SEMA4D: variants seen among roughly 807,000 people sequenced by gnomAD.
The protein encoded by SEMA4D is semaphorin-4D.
SEMA4D carries 22 observed loss-of-function variants against 74.8 expected under a neutral mutation model. The observed-to-expected ratio is 0.29, with a 90% CI of 0.21 to 0.42. The LOEUF (loss-of-function observed/expected upper bound fraction) is 0.42. Ranked by LOEUF, SEMA4D falls within the 10% of genes least tolerant of loss-of-function variation. The pLI is 1.00. For synonymous variants in SEMA4D, 445 were observed against 463.7 expected, an observed-to-expected ratio of 0.96 and a Z score of 0.52; for missense variants, 937 against 1,118.4, an observed-to-expected ratio of 0.84 and a Z score of 2.31.
chr9:89,460,259 T>TA (rs1435632815), intron 1 of SEMA4D, among the ~76,000 whole-genome samples: 1 of 152,238 alleles, frequency 6.6e-6, no homozygotes, highest in African/African-American at 2.4e-5. Flanking sequence ...AGGCATCCTT[T>TA]GACCCTGCCA....
chr9:89,431,412 T>G (rs1849248681), intron 2 of SEMA4D, among the ~76,000 whole-genome samples: 1 of 152,252 alleles, frequency 6.6e-6, no homozygotes, highest in African/African-American at 2.4e-5. Context: ...TTTCAATGTC[T>G]TCTTTGAATT....
Position 89,498,104 on chromosome 9 carries a change from G to A in SEMA4D, c.-495C>T, listed in dbSNP as rs891604443. 10 of 149,756 alleles carry A rather than the reference G, an allele frequency of 6.7e-5. No individual in the cohort carries two copies. Among genetic ancestry groups the A allele is most frequent in the African/African-American group, 2.2e-4 (9 of 41,132 alleles). The allele number at this position is 149,756 out of a possible 1,614,324, so 9.3% of individuals were successfully genotyped here. On this transcript the variant is annotated 5_prime_UTR_variant, in exon 1 of 16. Coordinates refer to ENST00000422704, the MANE Select transcript of SEMA4D (RefSeq NM_001371194.2). ...GCGAGAGCGCTGAGGCCGGCGCGGG[G>A]ACGGAGTGCGCGGGGCGGGCGCGCA...
chr9:89,477,596 C>T (rs1034434875), intron 1 of SEMA4D, among the ~76,000 whole-genome samples: 16 of 152,150 alleles, frequency 1.1e-4, no homozygotes, highest in Non-Finnish European at 2.1e-4. Context: ...CATACCTCTG[C>T]GTGGCATGAC....
At chr9:89,402,379 T>C (rs1472124044) in intron 4 of SEMA4D, among the ~76,000 whole-genome samples, 1 of 152,034 alleles carries the variant, frequency 6.6e-6, no homozygotes, top group Non-Finnish European at 1.5e-5. Context: ...AACTAAACGT[T>C]TGAACCAACT....
At chr9:89,367,990 T>G (rs1408854184) in intron 16 of SEMA4D, 1 of 152,262 alleles carries the variant, frequency 6.6e-6, no homozygotes, top group Non-Finnish European at 1.5e-5. Flanking sequence ...CTGATTCTAC[T>G]CTGCGACAAA....
chr9:89,363,679 C>T, intron 17 of SEMA4D: 1 of 1,591,212 alleles, frequency 6.3e-7, no homozygotes, highest in Non-Finnish European at 8.6e-7. Flanking sequence ...TTTTTCACTG[C>T]CATTGTAAAT....
intron 13 of SEMA4D, among the ~76,000 whole-genome samples, chr9:89,382,307 G>A (rs1157239942): frequency 1.3e-5 from 2 of 152,236 alleles, no homozygotes; most frequent in East Asian, 1.9e-4. Flanking sequence ...TCAACAGCCT[G>A]GGGACACCTT....
At chr9:89,384,723 A>G in intron 13 of SEMA4D, 1 of 985,134 alleles carries the variant, frequency 1.0e-6, no homozygotes, top group Non-Finnish European at 1.2e-6. Flanking sequence ...GGCACAGCGC[A>G]CCTCCCCAGC....
At chr9:89,404,274 G>A (rs1438321220) in intron 3 of SEMA4D, among the ~76,000 whole-genome samples, 2 of 152,214 alleles carry the variant, frequency 1.3e-5, no homozygotes, top group South Asian at 2.1e-4. Context: ...TGGAGCAGAC[G>A]CTCAGTGGGG....
At chr9:89,468,069 G>A (rs923209666) in intron 1 of SEMA4D, among the ~76,000 whole-genome samples, 11 of 152,178 alleles carry the variant, frequency 7.2e-5, no homozygotes, top group Non-Finnish European at 1.5e-4. Context: ...TAGGGTAGTC[G>A]TGGTGTTAGG....
chr9:89,403,121 C>A, intron 3 of SEMA4D, 105 bp from the exon 4 acceptor site: 1 of 1,320,312 alleles, frequency 7.6e-7, no homozygotes, highest in Non-Finnish European at 1.0e-6. Flanking sequence ...ACAATGAGCA[C>A]GTCTGGGTGC....
intron 13 of SEMA4D, chr9:89,384,922 C>G: frequency 1.0e-6 from 1 of 985,440 alleles, no homozygotes; most frequent in African/African-American, 1.7e-5. Context: ...GCACAGGACC[C>G]CACGGCAGGC....
intron 1 of SEMA4D, among the ~76,000 whole-genome samples, chr9:89,458,573 C>G (rs1274191596): frequency 6.6e-6 from 1 of 152,058 alleles, no homozygotes; most frequent in African/African-American, 2.4e-5. Flanking sequence ...CCCACCCACA[C>G]TTACATGCAC....
chr9:89,440,500 T>TCC (rs1564796255), intron 2 of SEMA4D, among the ~76,000 whole-genome samples: 1 of 151,618 alleles, frequency 6.6e-6, no homozygotes, highest in East Asian at 1.9e-4. Context: ...CCCTGAGCCC[T>TCC]ACCCTCCGCT....
At chr9:89,393,378 C>T (rs1840262872) in intron 7 of SEMA4D, among the ~76,000 whole-genome samples, 184 bp downstream of exon 7, 1 of 152,242 alleles carries the variant, frequency 6.6e-6, no homozygotes. Flanking sequence ...CGGCTATTAT[C>T]CTTGCAAACA....
At chr9:89,424,768 C>T (rs1847756510) in intron 2 of SEMA4D, among the ~76,000 whole-genome samples, 1 of 152,078 alleles carries the variant, frequency 6.6e-6, no homozygotes, top group African/African-American at 2.4e-5. Context: ...ACCTGGCTCC[C>T]GCTACCTGTA....
chr9:89,369,407 T>C (rs1172740300), intron 16 of SEMA4D: 1 of 152,166 alleles, frequency 6.6e-6, no homozygotes. Flanking sequence ...GGGGGAACCA[T>C]TATTAGCTTT....
chr9:89,444,464 C>T lies in SEMA4D; in HGVS notation c.-244+11424G>A, dbSNP rs184938708. 1.3e-4 allele frequency among the ~76,000 whole-genome samples: 20 copies of T among 152,310 alleles called. No individual in the cohort carries two copies. The East Asian group carries it at 3.7e-3, about 28-fold the overall frequency. ...GACGGGATGTGGGCACGTGAAGAGA[C>T]AAGCAGGCCAGCGAGTGGGATGGAG... On this transcript the variant is annotated intron_variant, in intron 2 of 15. Coordinates refer to ENST00000422704, the MANE Select transcript of SEMA4D (RefSeq NM_001371194.2).
rs1040045870 is a variant in SEMA4D at position 89,385,162 on chromosome 9, G to A, written c.1446+1205C>T. 20 of 884,392 alleles carry A rather than the reference G, an allele frequency of 2.3e-5. No homozygotes were observed. In the Admixed American group the frequency reaches 5.0e-4, roughly 22 times the overall value. The allele number at this position is 884,392 out of a possible 1,614,324, so 54.8% of individuals were successfully genotyped here. On this transcript the variant is annotated intron_variant, in intron 13 of 15. Coordinates refer to ENST00000422704, the MANE Select transcript of SEMA4D (RefSeq NM_001371194.2). ...CACTGACCCGTAACCCCCTCTGTGC[G>A]GCCCTCCTCTTCCTACCCCCTTCTG... is the stretch of plus-strand genomic sequence containing the variant.
Sources: gnomAD v4.1 joint callset for allele counts (sites outside exome capture counted in the v4.1 genomes callset) on GRCh38, gnomAD v4.1.1 for gene constraint, MANE v1.5 for transcripts, NCBI Gene and HGNC (gene_info 2026-07-23, HGNC 2026-07-21) for gene names.